The following CSMD3 variants were observed in gnomAD, a reference collection of about 807,000 sequenced individuals.
CSMD3 encodes CUB and sushi domain-containing protein 3.
In CSMD3, 177 loss-of-function variants were observed where a neutral mutation model predicts 435.2. The observed-to-expected ratio is 0.41, with a 90% CI of 0.36 to 0.46. The LOEUF (loss-of-function observed/expected upper bound fraction) is 0.46. Among genes scored for constraint, CSMD3 ranks in the 20% least tolerant of loss-of-function variants. CSMD3 has a pLI of 0.34. For missense variants in CSMD3, 4,265 were observed against 4,504.6 expected (o/e 0.95, Z 1.52); for synonymous variants, 1,656 against 1,520.5 (o/e 1.09, Z -2.07).
intron 23 of CSMD3, among the ~76,000 whole-genome samples, chr8:112,585,515 T>C (rs1048764843): frequency 6.6e-6 from 1 of 151,514 alleles, no homozygotes; most frequent in Non-Finnish European, 1.5e-5. Context: ...CAGAAATGCA[T>C]GTGGCTTTAC....
chr8:112,247,239 A>G (rs1814824634), intron 63 of CSMD3, 108 bp from the exon 64 acceptor site: 1 of 696,922 alleles, frequency 1.4e-6, no homozygotes, highest in South Asian at 1.6e-5. Flanking sequence ...CGTATGGTAA[A>G]GTTGGAAGAA....
intron 1 of CSMD3, among the ~76,000 whole-genome samples, chr8:113,369,799 T>A (rs2094335650): frequency 6.6e-6 from 1 of 151,800 alleles, no homozygotes; most frequent in South Asian, 2.1e-4. Context: ...GCGAAATAAG[T>A]CAGTCACAGA....
At chr8:112,632,532 T>C (rs1240239315) in intron 22 of CSMD3, among the ~76,000 whole-genome samples, 1 of 152,016 alleles carries the variant, frequency 6.6e-6, no homozygotes, top group Non-Finnish European at 1.5e-5. Flanking sequence ...TAAAGACAAA[T>C]CATTACTAAT....
At chr8:112,405,234 T>TATGTATATATATATATATATAC (rs1563904557) in intron 35 of CSMD3, among the ~76,000 whole-genome samples, 7 of 93,572 alleles carry the variant, frequency 7.5e-5, no homozygotes, top group African/African-American at 3.3e-4. Flanking sequence ...TATATATATA[T>TATGTATATATATATATATATAC]ATATATATAT....
intron 2 of CSMD3, 78 bp from the exon 3 acceptor site, chr8:113,278,782 TA>T (rs1025213918): frequency 8.0e-5 from 59 of 740,094 alleles, no homozygotes; most frequent in East Asian, 1.7e-4. Flanking sequence ...AAGTCATATT[TA>T]AAAAAAATAA....
At chr8:113,252,273 G>T (rs969613450) in intron 3 of CSMD3, among the ~76,000 whole-genome samples, 49 of 151,990 alleles carry the variant, frequency 3.2e-4, no homozygotes, top group African/African-American at 1.2e-3. Context: ...CTGGAACATT[G>T]GTTTTCACAG....
chr8:113,410,806 T>G (rs1482157291), intron 1 of CSMD3, among the ~76,000 whole-genome samples: 1 of 150,946 alleles, frequency 6.6e-6, no homozygotes, highest in East Asian at 2.0e-4. Flanking sequence ...TATGGGAGGC[T>G]TAGGTGGAGG....
chr8:112,291,548 G>T lies in CSMD3; in HGVS notation c.8936C>A (p.Pro2979Gln), dbSNP rs1819764770. The change falls in exon 56 of 71, where the codon CCA (proline) becomes CAA (glutamine). Residue 2979 changes from proline to glutamine, a missense_variant. Around this residue, in one of 3 missense-constraint regions of CSMD3, gnomAD observed 3,255 missense variants for 3,380.2 expected, o/e 0.96. Transcript: ENST00000297405. Reference protein sequence around the residue: ...LFGSSVLICQPNGQWDKPLPE... With the variant: ...LFGSSVLICQQNGQWDKPLPE... Reference sequence around the variant, plus strand: ...TAAAGGTTTGTCCCATTGTCCATTTGGTTGACATATCAAAACTGAAGATCC... The same window carrying T: ...TAAAGGTTTGTCCCATTGTCCATTTTGTTGACATATCAAAACTGAAGATCC... 2 of 1,610,924 alleles carry T rather than the reference G, an allele frequency of 1.2e-6. No individual in the cohort carries two copies.
chr8:113,164,734 C>T (rs535604074), intron 4 of CSMD3, among the ~76,000 whole-genome samples: 3 of 152,122 alleles, frequency 2.0e-5, no homozygotes, highest in East Asian at 3.9e-4. Context: ...TTTTACTTAA[C>T]TTCCTACGTT....
chr8:112,518,259 G>C (rs1437252189), intron 27 of CSMD3, among the ~76,000 whole-genome samples: 1 of 151,904 alleles, frequency 6.6e-6, no homozygotes, highest in Non-Finnish European at 1.5e-5. Flanking sequence ...CCAGCACTTT[G>C]GGACATCAAG....
intron 45 of CSMD3, among the ~76,000 whole-genome samples, chr8:112,324,073 T>C (rs1265143762): frequency 2.6e-5 from 4 of 152,092 alleles, no homozygotes; most frequent in Non-Finnish European, 4.4e-5. Context: ...CTATTTTCAA[T>C]TTACAGTGTT....
At chr8:112,935,248 T>C (rs188801501) in intron 9 of CSMD3, among the ~76,000 whole-genome samples, 8 of 152,252 alleles carry the variant, frequency 5.3e-5, no homozygotes, top group African/African-American at 1.7e-4. Context: ...TCTGTTCCAT[T>C]GGTCTCTCCT....
intron 10 of CSMD3, among the ~76,000 whole-genome samples, chr8:112,912,226 T>C (rs2082441675): frequency 6.6e-6 from 1 of 151,746 alleles, no homozygotes; most frequent in Admixed American, 6.6e-5. Context: ...AATATGGGAA[T>C]GTAGATATGT....
intron 2 of CSMD3, among the ~76,000 whole-genome samples, chr8:113,307,263 G>A (rs2093828888): frequency 6.6e-6 from 1 of 152,056 alleles, no homozygotes. Context: ...GTGTCCAGAG[G>A]CAGCCAGCTA....
intron 32 of CSMD3, among the ~76,000 whole-genome samples, chr8:112,425,772 T>C (rs1276169280): frequency 2.0e-5 from 3 of 152,124 alleles, no homozygotes; most frequent in Non-Finnish European, 2.9e-5. Flanking sequence ...AAAATAAATA[T>C]AGACTGTGAA....
intron 4 of CSMD3, among the ~76,000 whole-genome samples, chr8:113,139,010 T>C (rs2091485181): frequency 6.6e-6 from 1 of 151,010 alleles, no homozygotes; most frequent in Non-Finnish European, 1.5e-5. Context: ...CCTAAGATTT[T>C]TGAGAAATCC....
chr8:112,944,108 T>TA (rs2083532128), intron 9 of CSMD3, among the ~76,000 whole-genome samples: 1 of 151,632 alleles, frequency 6.6e-6, no homozygotes. Context: ...CCACTCTTGG[T>TA]AAAAAACTAT....
At chr8:112,579,287 A>G (rs1261445147) in intron 23 of CSMD3, among the ~76,000 whole-genome samples, 1 of 152,066 alleles carries the variant, frequency 6.6e-6, no homozygotes, top group Non-Finnish European at 1.5e-5. Context: ...ACTTAAATCT[A>G]TGTAATAAGC....
chr8:113,173,681 G>A (rs2092304492), intron 4 of CSMD3, 41 bp downstream of exon 4: 1 of 1,458,420 alleles, frequency 6.9e-7, no homozygotes, highest in South Asian at 1.1e-5. Flanking sequence ...CAAATACACT[G>A]GCTGATAACA....
Sources: gnomAD v4.1 joint callset for allele counts (sites outside exome capture counted in the v4.1 genomes callset) on GRCh38, gnomAD v4.1.1 for gene constraint, gnomAD v4.1.1 regional missense constraint, MANE v1.5 for transcripts, NCBI Gene and HGNC (gene_info 2026-07-23, HGNC 2026-07-21) for gene names.